PRPF39: variants seen among roughly 807,000 people sequenced by gnomAD.
PRPF39 encodes pre-mRNA-processing factor 39.
PRPF39 carries 27 observed loss-of-function variants against 82.1 expected under a neutral mutation model. The observed-to-expected ratio is 0.33, with a 90% CI of 0.24 to 0.45. The LOEUF is 0.45. Ranked by LOEUF, PRPF39 falls within the 20% of genes least tolerant of loss-of-function variation. The pLI, the probability that PRPF39 is intolerant of heterozygous loss-of-function variation, is 1.00. For synonymous variants in PRPF39, 261 were observed against 256.4 expected (o/e 1.02, Z -0.17); for missense variants, 581 against 796.9 (o/e 0.73, Z 3.26).
chr14:45,109,972 C>G (rs1884652607), intron 8 of PRPF39, 122 bp from the exon 9 acceptor site: 1 of 1,558,680 alleles, frequency 6.4e-7, no homozygotes. Context: ...CTTACAGAAA[C>G]TAGTCTAGTG....
intron 4 of PRPF39, among the ~76,000 whole-genome samples, chr14:45,100,621 T>G (rs1027877845): frequency 6.6e-6 from 1 of 152,226 alleles, no homozygotes; most frequent in African/African-American, 2.4e-5. Context: ...TTCTGAATCA[T>G]TTGGGGTTCT....
intron 1 of PRPF39, among the ~76,000 whole-genome samples, chr14:45,094,733 CTT>C (rs1263190411): frequency 6.6e-6 from 1 of 152,070 alleles, no homozygotes; most frequent in Non-Finnish European, 1.5e-5. Context: ...TTTTCTAAAA[CTT>C]TATCCTGAGC....
chr14:45,096,295 ATTT>A (rs374922767), intron 3 of PRPF39, 67 bp downstream of exon 3: 12,928 of 1,244,368 alleles, frequency 0.01, no homozygotes, highest in East Asian at 0.022. Context: ...CAAAACAAAG[ATTT>A]TTTTTTTTTT....
At chr14:45,103,921 A>G (rs1884449109) in intron 5 of PRPF39, among the ~76,000 whole-genome samples, 1 of 152,178 alleles carries the variant, frequency 6.6e-6, no homozygotes, top group Non-Finnish European at 1.5e-5. Context: ...ATTTGTAGGA[A>G]ACACACATAG....
chr14:45,113,959 G>C (rs1267083636), intron 11 of PRPF39, among the ~76,000 whole-genome samples: 2 of 152,106 alleles, frequency 1.3e-5, no homozygotes, highest in African/African-American at 4.8e-5. Context: ...GGTAAAAACA[G>C]GCAGACAAAT....
chr14:45,104,470 A>G (rs1164374135), intron 5 of PRPF39, among the ~76,000 whole-genome samples: 2 of 151,856 alleles, frequency 1.3e-5, no homozygotes, highest in African/African-American at 4.8e-5. Context: ...TCTTAAAGTC[A>G]TTTATTTAGC....
At position 45,096,940 on chromosome 14, in the gene PRPF39, T is replaced by A; in HGVS notation, c.504T>A (p.His168Gln). 1 of 1,552,066 alleles carries A rather than the reference T, an allele frequency of 6.4e-7. No homozygotes were observed. Among genetic ancestry groups the A allele is most frequent in the South Asian group, 1.2e-5 (1 of 83,592 alleles). The change falls in exon 4 of 14, where the codon CAT (histidine) becomes CAA (glutamine). Residue 168 changes from histidine (H) to glutamine (Q), a missense_variant. Transcript: ENST00000355765. The part of the protein sequence containing the change: ...AIPLSVDLWI[H>Q]YINFLKETLD... ...CTCTTAGTGTTGACCTTTGGATACA[T>A]TATATAAACTTCTTAAAAGAAACAT...
chr14:45,095,734 G>T, intron 2 of PRPF39, 171 bp downstream of exon 2: 2 of 875,160 alleles, frequency 2.3e-6, no homozygotes, highest in Non-Finnish European at 1.7e-6. Flanking sequence ...TACAGCTTTT[G>T]TATGTTGTAG....
At chr14:45,107,674 A>AT in intron 6 of PRPF39, 58 bp downstream of exon 6, 1 of 1,489,862 alleles carries the variant, frequency 6.7e-7, no homozygotes, top group Non-Finnish European at 9.1e-7. Context: ...TATGCCTGTA[A>AT]TCGCAGCACT....
At chr14:45,084,936 C>A (rs923331475) in intron 1 of PRPF39, among the ~76,000 whole-genome samples, 5 of 152,076 alleles carry the variant, frequency 3.3e-5, no homozygotes, top group African/African-American at 1.2e-4. Context: ...AGTAATGATG[C>A]CATAATACCA....
chr14:45,110,770 C>T lies in PRPF39; in HGVS notation c.1525C>T (p.Leu509Phe). 1 of 1,554,080 alleles carries T rather than the reference C, an allele frequency of 6.4e-7. No homozygotes were observed. The highest frequency in any genetic ancestry group is 8.7e-7 in the Non-Finnish European group (1 of 1,148,094). Reference protein sequence around the residue: ...ARHLFKIQKNLPKSRKVLLEA... With the variant: ...ARHLFKIQKNFPKSRKVLLEA... Reference sequence around the variant, plus strand: ...GCATCTTTTCAAAATACAGAAAAACCTTCCAAAATCAAGAAAGGTGCTTTT... The same window carrying T: ...GCATCTTTTCAAAATACAGAAAAACTTTCCAAAATCAAGAAAGGTGCTTTT... Residue 509 changes from leucine to phenylalanine, a missense_variant, in exon 10 of 14, where the codon CTT becomes TTT. Coordinates refer to ENST00000355765, the MANE Select transcript of PRPF39 (RefSeq NM_017922.4). This position sits in a 1 kb window ranked among gnomAD's most constrained non-coding sequence, Gnocchi z 4.0.
chr14:45,094,878 C>T (rs1364316277), intron 1 of PRPF39, among the ~76,000 whole-genome samples: 2 of 152,086 alleles, frequency 1.3e-5, no homozygotes, highest in African/African-American at 4.8e-5. Context: ...CATTCAGGCA[C>T]CGAATCAGAT....
intron 3 of PRPF39, chr14:45,096,550 T>A: frequency 7.0e-7 from 1 of 1,432,508 alleles, no homozygotes; most frequent in South Asian, 1.2e-5. Flanking sequence ...ACAATATAGT[T>A]GGTTTGCTAG....
At chr14:45,109,472 A>C in intron 7 of PRPF39, 144 bp from the exon 8 acceptor site, 1 of 676,966 alleles carries the variant, frequency 1.5e-6, no homozygotes, top group East Asian at 3.4e-5. Context: ...TTAAGGGTTA[A>C]TTTTAAAAGT....
intron 4 of PRPF39, among the ~76,000 whole-genome samples, chr14:45,099,828 T>A (rs773904584): frequency 1.3e-5 from 2 of 152,194 alleles, no homozygotes; most frequent in Non-Finnish European, 2.9e-5. Flanking sequence ...TGGCTGCATA[T>A]CTTTTTGTTA....
Position 45,110,497 on chromosome 14 carries a change from C to T in PRPF39, c.1304-52C>T, listed in dbSNP as rs958278186. On this transcript the variant is annotated intron_variant, in intron 9 of 13. Coordinates refer to ENST00000355765, the MANE Select transcript of PRPF39 (RefSeq NM_017922.4). This position sits in a 1 kb window ranked among gnomAD's most constrained non-coding sequence, Gnocchi z 4.0. ...ATTGTTGCCAGTATCTGGTTATAAA[C>T]GTTATTTTGGTTGTTTAAACCAAAG... The T allele has an allele frequency of 2.1e-5, 31 of 1,495,896 alleles. No homozygotes were observed. The Admixed American group carries it at 2.3e-4, about 11-fold the overall frequency. 92.7% of individuals were successfully genotyped at this position (1,495,896 alleles called of 1,614,324 possible).
chr14:45,086,315 A>G (rs1883826911), intron 1 of PRPF39, among the ~76,000 whole-genome samples: 1 of 152,236 alleles, frequency 6.6e-6, no homozygotes, highest in African/African-American at 2.4e-5. Flanking sequence ...TTAAGATGGC[A>G]TAATTGTCAC....
intron 3 of PRPF39, chr14:45,096,520 A>G: frequency 2.8e-6 from 4 of 1,435,210 alleles, no homozygotes; most frequent in Non-Finnish European, 3.7e-6. Context: ...TCTCACTTAC[A>G]TTTATTTCTC....
chr14:45,113,423 T>C (rs1248632368), intron 11 of PRPF39, among the ~76,000 whole-genome samples: 2 of 152,174 alleles, frequency 1.3e-5, no homozygotes, highest in African/African-American at 4.8e-5. Flanking sequence ...AAACAGAGAT[T>C]AGGCATTTTT....
Sources: allele counts gnomAD v4.1 joint callset (sites outside exome capture counted in the v4.1 genomes callset), GRCh38; gene constraint gnomAD v4.1.1; non-coding constraint Gnocchi (gnomAD v3.1); transcripts MANE v1.5; gene names NCBI Gene and HGNC (gene_info 2026-07-23, HGNC 2026-07-21).